Variants in BLM observed in about 807,000 individuals in gnomAD.
BLM encodes the protein BLM RecQ like helicase, also known as recQ-like DNA helicase BLM.
BLM carries 95 observed loss-of-function variants against 135.3 expected under a neutral mutation model. The observed-to-expected ratio is 0.70, with a 90% confidence interval of 0.59 to 0.83. BLM has a LOEUF of 0.83. Among genes scored for constraint, BLM ranks in the 40% least tolerant of loss-of-function variants. The pLI, the probability that BLM is intolerant of heterozygous loss-of-function variation, is 0.00. For synonymous variants in BLM, 520 were observed against 589.2 expected (o/e 0.88, Z 1.70); for missense variants, 1,518 against 1,663.9 (o/e 0.91, Z 1.53).
chr15:90,781,569 T>C (rs1596249346), intron 12 of BLM, among the ~76,000 whole-genome samples: 1 of 152,250 alleles, frequency 6.6e-6, no homozygotes, highest in Non-Finnish European at 1.5e-5. Flanking sequence ...GAGGTTGCAG[T>C]GAGCCAAGAT....
At chr15:90,759,927 A>G (rs976103292) in intron 5 of BLM, 150 of 359,014 alleles carry the variant, frequency 4.2e-4, no homozygotes, top group African/African-American at 2.4e-3. Context: ...AAAAAAAAAA[A>G]AAAAGAAAAA....
intron 1 of BLM, among the ~76,000 whole-genome samples, chr15:90,738,655 A>G (rs1229604394): frequency 6.6e-6 from 1 of 152,252 alleles, no homozygotes; most frequent in Non-Finnish European, 1.5e-5. Context: ...AAGGACTCGA[A>G]TAGACACTTC....
intron 1 of BLM, among the ~76,000 whole-genome samples, chr15:90,735,236 A>ATATATATATATAT (rs1895178799): frequency 1.8e-5 from 2 of 108,200 alleles, no homozygotes; most frequent in African/African-American, 7.1e-5. Context: ...TGCCTAAGTT[A>ATATATATATATAT]ATATATATAT....
At position 90,760,107 on chromosome 15, in the gene BLM, T is replaced by C. The variant is rs184128669; in HGVS notation, c.1088-40T>C. ...TGCCTAGCCAAGACTTTTTTTTTTTTCCCTCAAAGAAAAATATTAACAACA... is the reference window on the plus strand; with the variant it reads ...TGCCTAGCCAAGACTTTTTTTTTTTCCCCTCAAAGAAAAATATTAACAACA... On this transcript the variant is annotated intron_variant, in intron 5 of 21. Coordinates refer to ENST00000355112, the MANE Select transcript of BLM (RefSeq NM_000057.4). 5.7e-4 allele frequency: 892 copies of C among 1,572,830 alleles called. 2 individuals are homozygous for C. In the African/African-American group the frequency reaches 9.4e-3, roughly 17 times the overall value.
At chr15:90,731,521 A>G (rs1895069451) in intron 1 of BLM, among the ~76,000 whole-genome samples, 1 of 152,116 alleles carries the variant, frequency 6.6e-6, no homozygotes, top group African/African-American at 2.4e-5. Context: ...TTGTGGGTAG[A>G]TTTTTGACCA....
At chr15:90,811,803 G>A (rs946319386) in intron 21 of BLM, among the ~76,000 whole-genome samples, 1 of 128,014 alleles carries the variant, frequency 7.8e-6, no homozygotes, top group Non-Finnish European at 1.6e-5. Context: ...GACTCCAGGT[G>A]TATACCATCA....
intron 1 of BLM, among the ~76,000 whole-genome samples, chr15:90,718,889 G>T (rs1011426428): frequency 1.3e-5 from 2 of 152,100 alleles, no homozygotes; most frequent in African/African-American, 4.8e-5. Context: ...AGGAAGGGAA[G>T]GGAAAAAGGT....
intron 1 of BLM, among the ~76,000 whole-genome samples, chr15:90,737,869 A>C (rs1313721079): frequency 6.6e-6 from 1 of 152,196 alleles, no homozygotes; most frequent in African/African-American, 2.4e-5. Flanking sequence ...AGAAATTGAC[A>C]AAACAGAATT....
chr15:90,763,866 C>T (rs1437867994), intron 8 of BLM, among the ~76,000 whole-genome samples: 1 of 152,194 alleles, frequency 6.6e-6, no homozygotes, highest in Non-Finnish European at 1.5e-5. Flanking sequence ...GGAGAATTTG[C>T]AGTTTCAGTA....
intron 1 of BLM, among the ~76,000 whole-genome samples, chr15:90,725,562 C>G (rs1237391672): frequency 6.7e-6 from 1 of 150,166 alleles, no homozygotes; most frequent in Admixed American, 6.6e-5. Context: ...GGCACCATCT[C>G]GGCTCACTGC....
chr15:90,744,924 C>T (rs773235833), intron 1 of BLM, among the ~76,000 whole-genome samples: 17 of 151,712 alleles, frequency 1.1e-4, no homozygotes, highest in Non-Finnish European at 2.1e-4. Context: ...TGGTGGTGTG[C>T]ACCTGTGGTC....
chr15:90,734,903 T>A (rs1327503433), intron 1 of BLM, among the ~76,000 whole-genome samples: 1 of 151,930 alleles, frequency 6.6e-6, no homozygotes, highest in Non-Finnish European at 1.5e-5. Flanking sequence ...ATTTGGAAAA[T>A]AAAAAGTAAT....
intron 12 of BLM, among the ~76,000 whole-genome samples, chr15:90,779,174 C>T (rs1896557682): frequency 6.6e-6 from 1 of 152,124 alleles, no homozygotes; most frequent in South Asian, 2.1e-4. Context: ...CATGAGCCAC[C>T]GTGCCCAGCC....
At chr15:90,768,488 T>C (rs1246447195) in intron 10 of BLM, among the ~76,000 whole-genome samples, 8 of 152,054 alleles carry the variant, frequency 5.3e-5, no homozygotes, top group African/African-American at 9.7e-5. Flanking sequence ...ATATAATTTT[T>C]CCCCCAGCCA....
intron 21 of BLM, among the ~76,000 whole-genome samples, chr15:90,812,640 C>G (rs1486158227): frequency 1.4e-5 from 2 of 145,110 alleles, no homozygotes; most frequent in East Asian, 4.0e-4. Context: ...AAAAAGAAAC[C>G]AAAAAAAAGT....
intron 1 of BLM, among the ~76,000 whole-genome samples, chr15:90,725,979 A>C (rs1894904145): frequency 6.6e-6 from 1 of 151,678 alleles, no homozygotes; most frequent in Admixed American, 6.6e-5. Context: ...ACATAATTTT[A>C]GTCAATGACT....
chr15:90,771,243 T>C (rs1896305328), intron 12 of BLM, among the ~76,000 whole-genome samples: 1 of 152,208 alleles, frequency 6.6e-6, no homozygotes, highest in African/African-American at 2.4e-5. Context: ...TCCCAGCACT[T>C]TGGGAGGCCG....
intron 21 of BLM, among the ~76,000 whole-genome samples, chr15:90,812,276 A>T (rs1411129430): frequency 6.6e-6 from 1 of 152,118 alleles, no homozygotes; most frequent in South Asian, 2.1e-4. Flanking sequence ...AGAAGCCACA[A>T]CAGAGAAACC....
At chr15:90,719,429 C>G (rs1166318016) in intron 1 of BLM, among the ~76,000 whole-genome samples, 2 of 152,120 alleles carry the variant, frequency 1.3e-5, no homozygotes, top group Admixed American at 6.5e-5. Context: ...TGGCGAAACT[C>G]CCTCTCTATA....
Sources: gnomAD v4.1 joint callset for allele counts (sites outside exome capture counted in the v4.1 genomes callset) on GRCh38, gnomAD v4.1.1 for gene constraint, MANE v1.5 for transcripts, NCBI Gene and HGNC (gene_info 2026-07-23, HGNC 2026-07-21) for gene names.